SYPL1: variants seen among roughly 807,000 people sequenced by gnomAD.
SYPL1 encodes synaptophysin like 1.
Under a neutral mutation model 23.7 loss-of-function variants are expected in SYPL1, and 6 were observed. The observed-to-expected ratio is 0.25, with a 90% CI of 0.14 to 0.50. The LOEUF (loss-of-function observed/expected upper bound fraction) is 0.50, where lower values mean the gene tolerates loss of function less well. Ranked by LOEUF, SYPL1 falls within the 20% of genes least tolerant of loss-of-function variation. The pLI, the probability that SYPL1 is intolerant of heterozygous loss-of-function variation, is 0.98. For missense variants in SYPL1, 253 were observed against 288.9 expected, an observed-to-expected ratio of 0.88 and a Z score of 0.90; for synonymous variants, 102 against 104.5, an observed-to-expected ratio of 0.98 and a Z score of 0.15.
intron 1 of SYPL1, among the ~76,000 whole-genome samples, chr7:106,099,651 C>T (rs1840214341): frequency 2.6e-5 from 4 of 152,106 alleles, no homozygotes; most frequent in Admixed American, 2.0e-4. Flanking sequence ...ATCTTGGCCT[C>T]CCAAAATGCT....
chr7:106,099,341 A>T, intron 1 of SYPL1, 59 bp from the exon 2 acceptor site: 1 of 1,547,786 alleles, frequency 6.5e-7, no homozygotes, highest in African/African-American at 1.4e-5. Context: ...TACTACAACC[A>T]AAACAAGGGT....
rs1456670542 is a variant in SYPL1 at position 106,104,434 on chromosome 7, G to A, written c.70-5152C>T. 1.3e-5 allele frequency among the ~76,000 whole-genome samples: 2 copies of A among 152,004 alleles called. No individual in the cohort carries two copies. The highest frequency in any genetic ancestry group is 4.8e-5 in the African/African-American group (2 of 41,388). ...AAAAATGAATTTCCTAATATAACAA[G>A]TAGCAAATAAATGGCATACTGCACT... On this transcript the variant is annotated intron_variant, in intron 1 of 4. Coordinates refer to ENST00000455385, the MANE Select transcript of SYPL1 (RefSeq NM_182715.4). The surrounding 1 kb of genome is among the most constrained non-coding windows in gnomAD (Gnocchi z 4.1).
chr7:106,103,219 G>C (rs1232712847), intron 1 of SYPL1, among the ~76,000 whole-genome samples: 1 of 152,096 alleles, frequency 6.6e-6, no homozygotes, highest in African/African-American at 2.4e-5. Context: ...CGGCAAAAAA[G>C]ATATAAGAAT....
intron 4 of SYPL1, 48 bp downstream of exon 4, chr7:106,092,900 CT>C (rs1839813127): frequency 7.0e-7 from 1 of 1,425,220 alleles, no homozygotes; most frequent in Non-Finnish European, 9.3e-7. Flanking sequence ...ATTACTAGTA[CT>C]TTAAACAAAT....
chr7:106,095,630 G>A lies in SYPL1; in HGVS notation c.402+2060C>T, dbSNP rs1048614728. Among the ~76,000 whole-genome samples, 1 of 152,084 alleles carries A rather than the reference G, an allele frequency of 6.6e-6. No individual in the cohort carries two copies. The highest frequency in any genetic ancestry group is 2.4e-5 in the African/African-American group (1 of 41,402). ...GCCTCCCAAAGTGCTGGGATTACAG[G>A]CATGACCCACTGCACCCAGTCTCTC... On this transcript the variant is annotated intron_variant, in intron 3 of 4. Coordinates refer to ENST00000455385, the MANE Select transcript of SYPL1 (RefSeq NM_182715.4). The surrounding 1 kb of genome is among the most constrained non-coding windows in gnomAD (Gnocchi z 4.3).
intron 1 of SYPL1, among the ~76,000 whole-genome samples, chr7:106,099,692 C>G (rs1351027254): frequency 6.6e-6 from 1 of 152,098 alleles, no homozygotes; most frequent in Non-Finnish European, 1.5e-5. Flanking sequence ...CTGTGCCCAG[C>G]CCCCACTACC....
intron 1 of SYPL1, among the ~76,000 whole-genome samples, chr7:106,105,467 A>C (rs571396557): frequency 6.7e-6 from 1 of 149,530 alleles, no homozygotes; most frequent in African/African-American, 2.5e-5. Flanking sequence ...TACAGCCCCA[A>C]GTATCCAGAG....
At chr7:106,111,659 G>A (rs1413146000) in intron 1 of SYPL1, among the ~76,000 whole-genome samples, 1 of 152,192 alleles carries the variant, frequency 6.6e-6, no homozygotes, top group African/African-American at 2.4e-5. Flanking sequence ...AATTAAGAAC[G>A]GAATGCTCGC....
chr7:106,106,487 A>T (rs1162177857), intron 1 of SYPL1, among the ~76,000 whole-genome samples: 1 of 150,390 alleles, frequency 6.6e-6, no homozygotes, highest in Admixed American at 6.6e-5. Context: ...GGGAGGCGGA[A>T]GTTGCAGTGA....
At chr7:106,110,553 TATAAA>T (rs1165611753) in intron 1 of SYPL1, among the ~76,000 whole-genome samples, 1 of 152,370 alleles carries the variant, frequency 6.6e-6, no homozygotes, top group African/African-American at 2.4e-5. Context: ...ACAGATCTGG[TATAAA>T]ATAGTCAAAT....
intron 1 of SYPL1, among the ~76,000 whole-genome samples, chr7:106,110,822 A>G (rs1378772634): frequency 1.3e-5 from 2 of 152,248 alleles, no homozygotes; most frequent in African/African-American, 2.4e-5. Context: ...GTGGAAATCT[A>G]AATTATTAGT....
chr7:106,111,839 A>C (rs916258517), intron 1 of SYPL1: 8 of 181,862 alleles, frequency 4.4e-5, no homozygotes, highest in African/African-American at 1.9e-4. Flanking sequence ...AGTGGAGCCA[A>C]GGGGAAATTT....
Position 106,093,096 on chromosome 7 carries a change from C to T in SYPL1, c.444G>A (p.Val148=). ...GAGCTTTAGCCCAGGCTGAAGTGCT[C>T]ACCAACCACAAAAAAGTGGCAACAA... ...VTLVATFLWL[V]STSAWAKALT... The change falls in exon 4 of 5, where the codon GTG becomes GTA. Residue 148 remains valine, a synonymous_variant. Coordinates refer to ENST00000455385, the MANE Select transcript of SYPL1 (RefSeq NM_182715.4). 1 of 1,611,112 alleles carries T rather than the reference C, an allele frequency of 6.2e-7. No individual in the cohort carries two copies. The highest frequency in any genetic ancestry group is 8.5e-7 in the Non-Finnish European group (1 of 1,179,022).
At chr7:106,103,204 T>C (rs1840419483) in intron 1 of SYPL1, among the ~76,000 whole-genome samples, 1 of 152,184 alleles carries the variant, frequency 6.6e-6, no homozygotes, top group Non-Finnish European at 1.5e-5. Context: ...CACTGGGAAG[T>C]TATACGGCAA....
At chr7:106,103,000 CTGT>C (rs1290804437) in intron 1 of SYPL1, among the ~76,000 whole-genome samples, 1 of 152,008 alleles carries the variant, frequency 6.6e-6, no homozygotes, top group East Asian at 1.9e-4. Context: ...ATCAAGTCAG[CTGT>C]TGAATGTAAA....
intron 3 of SYPL1, among the ~76,000 whole-genome samples, chr7:106,093,900 T>G (rs976673540): frequency 2.6e-5 from 4 of 152,228 alleles, no homozygotes; most frequent in African/African-American, 9.6e-5. Context: ...AACTCTGTAC[T>G]AAATCCTTTG....
At chr7:106,092,722 T>G (rs2116062990) in intron 4 of SYPL1, 1 of 579,310 alleles carries the variant, frequency 1.7e-6, no homozygotes, top group Non-Finnish European at 3.1e-6. Flanking sequence ...TAAATCTGAC[T>G]AGATGAAAGA....
chr7:106,107,965 C>T (rs559356249), intron 1 of SYPL1, among the ~76,000 whole-genome samples: 23 of 152,032 alleles, frequency 1.5e-4, no homozygotes, highest in African/African-American at 4.3e-4. Context: ...GAGGCCGAGG[C>T]GGGTGGATCA....
rs780790744 is a variant in SYPL1 at position 106,096,701 on chromosome 7, G to A, written c.402+989C>T. On this transcript the variant is annotated intron_variant, in intron 3 of 4. Transcript: ENST00000455385. The surrounding 1 kb of genome is among the most constrained non-coding windows in gnomAD (Gnocchi z 4.4). Reference sequence around the variant, plus strand: ...CTCAAAGATTCAAAATTAGTTCATGGTTGCCACTAATGCTGAGTATAAGAA... The same window carrying A: ...CTCAAAGATTCAAAATTAGTTCATGATTGCCACTAATGCTGAGTATAAGAA... 2.6e-5 allele frequency among the ~76,000 whole-genome samples: 4 copies of A among 152,172 alleles called. No individual in the cohort carries two copies. Among genetic ancestry groups the A allele is most frequent in the Non-Finnish European group, 4.4e-5 (3 of 68,030 alleles).
Sources: gnomAD v4.1 joint callset for allele counts (sites outside exome capture counted in the v4.1 genomes callset) on GRCh38, gnomAD v4.1.1 for gene constraint, Gnocchi (gnomAD v3.1) non-coding constraint, MANE v1.5 for transcripts, NCBI Gene and HGNC (gene_info 2026-07-23, HGNC 2026-07-21) for gene names.